CA5A: variants seen among roughly 807,000 people sequenced by gnomAD.
CA5A encodes carbonic anhydrase 5A.
Under a neutral mutation model 37.1 loss-of-function variants are expected in CA5A, and 28 were observed. The observed-to-expected ratio is 0.75, with a 90% confidence interval of 0.56 to 1.03. CA5A has a LOEUF of 1.03. Ranked by LOEUF, CA5A falls within the 50% of genes least tolerant of loss-of-function variation. CA5A has a pLI of 0.00. For synonymous variants in CA5A, 171 were observed against 158.4 expected (o/e 1.08, Z -0.60); for missense variants, 444 against 399.9 (o/e 1.11, Z -0.94).
intron 3 of CA5A, among the ~76,000 whole-genome samples, chr16:87,904,209 G>T (rs1246410959): frequency 6.6e-6 from 1 of 152,006 alleles, no homozygotes; most frequent in African/African-American, 2.4e-5. Context: ...GGGCCTGGTG[G>T]CACGCACCTG....
intron 2 of CA5A, among the ~76,000 whole-genome samples, chr16:87,909,647 G>T (rs1300526878): frequency 6.6e-6 from 1 of 152,156 alleles, no homozygotes; most frequent in East Asian, 1.9e-4. Flanking sequence ...GATTCCACAG[G>T]CTCCTCTTCA....
chr16:87,915,002 T>A (rs568615629), intron 2 of CA5A, among the ~76,000 whole-genome samples: 25 of 152,302 alleles, frequency 1.6e-4, no homozygotes, highest in African/African-American at 6.0e-4. Context: ...GTGTGAGCGA[T>A]GGGGCCAGCA....
At chr16:87,920,726 C>A (rs1413693021) in intron 2 of CA5A, among the ~76,000 whole-genome samples, 1 of 151,844 alleles carries the variant, frequency 6.6e-6, no homozygotes, top group African/African-American at 2.4e-5. Flanking sequence ...TCAAGCAATT[C>A]TTCTGCCTCA....
At chr16:87,924,859 G>T (rs2056282424) in intron 2 of CA5A, among the ~76,000 whole-genome samples, 1 of 152,250 alleles carries the variant, frequency 6.6e-6, no homozygotes, top group Non-Finnish European at 1.5e-5. Context: ...CCATGTGGGA[G>T]TTTCTGGGCA....
intron 2 of CA5A, among the ~76,000 whole-genome samples, chr16:87,912,623 G>A (rs1477390977): frequency 6.6e-6 from 1 of 152,250 alleles, no homozygotes; most frequent in African/African-American, 2.4e-5. Flanking sequence ...CCCTCGCAGA[G>A]CGTGGAATCC....
In CA5A at chr16:87,918,638, C is replaced by T. The variant is rs138724504; in HGVS notation, c.340+8110G>A. 6.0e-3 allele frequency among the ~76,000 whole-genome samples: 918 copies of T among 152,320 alleles called. 7 individuals carry two copies. The highest frequency in any genetic ancestry group is 0.021 in the African/African-American group (861 of 41,576). Reference sequence around the variant, plus strand: ...ATGGCCCAGGCCTCGGGAGCCTGTCCGTGTGCAGTTCTCTGCACCTTGTCC... The same window carrying T: ...ATGGCCCAGGCCTCGGGAGCCTGTCTGTGTGCAGTTCTCTGCACCTTGTCC... On this transcript the variant is annotated intron_variant, in intron 2 of 6. Coordinates refer to ENST00000649794, the MANE Select transcript of CA5A (RefSeq NM_001739.2).
chr16:87,899,132 G>A (rs149802495), intron 5 of CA5A, among the ~76,000 whole-genome samples: 3,430 of 152,112 alleles, frequency 0.023, 135 homozygotes, highest in African/African-American at 0.079. Flanking sequence ...GAACCCAGGA[G>A]TCCAACTGTG....
intron 2 of CA5A, among the ~76,000 whole-genome samples, chr16:87,907,488 T>G (rs925605323): frequency 6.6e-6 from 1 of 152,236 alleles, no homozygotes; most frequent in African/African-American, 2.4e-5. Context: ...AATTCACGCA[T>G]GTCTGTATCA....
intron 5 of CA5A, among the ~76,000 whole-genome samples, chr16:87,897,042 C>T (rs1436409127): frequency 6.6e-6 from 1 of 152,272 alleles, no homozygotes; most frequent in Non-Finnish European, 1.5e-5. Flanking sequence ...GTCTCAGTTT[C>T]CCCAGGTGTA....
At chr16:87,929,923 A>C (rs2056379251) in intron 1 of CA5A, among the ~76,000 whole-genome samples, 1 of 151,810 alleles carries the variant, frequency 6.6e-6, no homozygotes, top group African/African-American at 2.4e-5. Context: ...AGTCAGTAGA[A>C]TGTACAATAC....
intron 2 of CA5A, 46 bp downstream of exon 2, chr16:87,926,702 G>C (rs568188334): frequency 6.7e-7 from 1 of 1,499,070 alleles, no homozygotes; most frequent in Admixed American, 1.7e-5. Flanking sequence ...CCTGCTGCCA[G>C]AACAACGGGA....
At chr16:87,882,198 G>A (rs1176116026) in intron 4 of CA5A, 1 of 152,288 alleles carries the variant, frequency 6.6e-6, no homozygotes, top group African/African-American at 2.4e-5. Context: ...CCCAGCAGAG[G>A]AGCGGGCTGT....
At chr16:87,882,652 T>C (rs1004068846) in intron 4 of CA5A, 69 of 152,336 alleles carry the variant, frequency 4.5e-4, no homozygotes, top group African/African-American at 1.6e-3. Flanking sequence ...GGGCTGGAGC[T>C]GCTGAATGTG....
chr16:87,889,235 A>G (rs754817233), intron 6 of CA5A, among the ~76,000 whole-genome samples: 29 of 151,972 alleles, frequency 1.9e-4, no homozygotes, highest in Non-Finnish European at 2.9e-4. Context: ...TTGTATTTTT[A>G]GTAGAGACAG....
At chr16:87,898,409 G>T (rs2055832391) in intron 5 of CA5A, among the ~76,000 whole-genome samples, 1 of 152,164 alleles carries the variant, frequency 6.6e-6, no homozygotes, top group South Asian at 2.1e-4. Flanking sequence ...CACCAATCAG[G>T]AATTAGATTC....
At chr16:87,920,156 T>C (rs1033715518) in intron 2 of CA5A, among the ~76,000 whole-genome samples, 64 of 152,290 alleles carry the variant, frequency 4.2e-4, no homozygotes, top group African/African-American at 1.4e-3. Context: ...AAACAGGCCA[T>C]AGCCAACTCA....
chr16:87,923,338 G>T (rs943912101), intron 2 of CA5A, among the ~76,000 whole-genome samples: 3 of 152,136 alleles, frequency 2.0e-5, no homozygotes, highest in Non-Finnish European at 4.4e-5. Context: ...ACAGGTGTGC[G>T]CCACCAACCT....
At chr16:87,930,014 C>G (rs1276711341) in intron 1 of CA5A, among the ~76,000 whole-genome samples, 1 of 152,010 alleles carries the variant, frequency 6.6e-6, no homozygotes, top group Non-Finnish European at 1.5e-5. Context: ...TTAAAAAGCC[C>G]TATGGGAGAT....
rs547131086 is a variant in CA5A at position 87,911,553 on chromosome 16, G to A, written c.341-6649C>T. Among the ~76,000 whole-genome samples the A allele has an allele frequency of 8.5e-5, 13 of 152,262 alleles. No homozygotes were observed. Among genetic ancestry groups the A allele is most frequent in the South Asian group, 4.2e-4 (2 of 4,818 alleles). ...AAATAACATGATGCTGCAAAGGACC[G>A]GCCTGCTTCCGGTGCCACTCTGGGA... On this transcript the variant is annotated intron_variant, in intron 2 of 6. Transcript: ENST00000649794. The surrounding 1 kb of genome is among the most constrained non-coding windows in gnomAD (Gnocchi z 4.6).
Sources: allele counts gnomAD v4.1 joint callset (sites outside exome capture counted in the v4.1 genomes callset), GRCh38; gene constraint gnomAD v4.1.1; non-coding constraint Gnocchi (gnomAD v3.1); transcripts MANE v1.5; gene names NCBI Gene and HGNC (gene_info 2026-07-23, HGNC 2026-07-21).